Variants in CRYBG2 observed in about 807,000 individuals in gnomAD.
CRYBG2 encodes the protein crystallin beta-gamma domain containing 2, also known as beta/gamma crystallin domain-containing protein 2.
Under a neutral mutation model 153.4 loss-of-function variants are expected in CRYBG2, and 106 were observed. The observed-to-expected ratio is 0.69, with a 90% confidence interval of 0.59 to 0.81. The LOEUF is 0.81. Ranked by LOEUF, CRYBG2 falls within the 30% of genes least tolerant of loss-of-function variation. The pLI, the probability that CRYBG2 is intolerant of heterozygous loss-of-function variation, is 0.00. For missense variants in CRYBG2, 1,996 were observed against 2,112.0 expected (o/e 0.95, Z 1.08); for synonymous variants, 851 against 877.8 (o/e 0.97, Z 0.54).
chr1:26,353,672 C>T (rs546008720), intron 1 of CRYBG2, among the ~76,000 whole-genome samples: 12 of 152,284 alleles, frequency 7.9e-5, no homozygotes, highest in South Asian at 2.1e-4. Context: ...TTAAGCAACT[C>T]GCCTCAGGAC....
At position 26,328,729 on chromosome 1, in the gene CRYBG2, C is replaced by T. The variant is rs2073962682; in HGVS notation, c.4454+5G>A. ...ACCGCACCCATGCCTCCCCTCAGCACTCACATGCCCCCCTTGATCCGCACA... is the reference window on the plus strand; with the variant it reads ...ACCGCACCCATGCCTCCCCTCAGCATTCACATGCCCCCCTTGATCCGCACA... On this transcript the variant is annotated splice_donor_5th_base_variant and intron_variant, in intron 16 of 19. Coordinates refer to ENST00000308182, the MANE Select transcript of CRYBG2 (RefSeq NM_001039775.4). 2 of 1,611,220 alleles carry T rather than the reference C, an allele frequency of 1.2e-6. No homozygotes were observed. The highest frequency in any genetic ancestry group is 1.7e-4 in the Middle Eastern group (1 of 6,048).
At chr1:26,352,309 A>T (rs1182805169) in intron 1 of CRYBG2, among the ~76,000 whole-genome samples, 1 of 152,028 alleles carries the variant, frequency 6.6e-6, no homozygotes, top group Non-Finnish European at 1.5e-5. Context: ...ATATACACTC[A>T]CCCAAGAAAT....
chr1:26,328,996 G>T, intron 15 of CRYBG2, 123 bp from the exon 16 acceptor site: 1 of 1,199,250 alleles, frequency 8.3e-7, no homozygotes, highest in Non-Finnish European at 1.2e-6. Flanking sequence ...CCTGAGCTCA[G>T]TTCTGCAGGG....
chr1:26,327,236 A>G (rs1248211146), intron 17 of CRYBG2, among the ~76,000 whole-genome samples: 1 of 152,114 alleles, frequency 6.6e-6, no homozygotes, highest in Non-Finnish European at 1.5e-5. Context: ...TGGGAGGCCG[A>G]AGTGGGCAGA....
chr1:26,334,467 A>C (rs2074031053), intron 14 of CRYBG2, among the ~76,000 whole-genome samples: 2 of 152,128 alleles, frequency 1.3e-5, no homozygotes, highest in Admixed American at 1.3e-4. Flanking sequence ...AAAATGAAAA[A>C]TATTCCTTAA....
chr1:26,345,956 G>A lies in CRYBG2; in HGVS notation c.702C>T (p.Ala234=), dbSNP rs752580485. ...SPPGSPSRSQ[A]VKVLSNLVPA... Reference sequence around the variant, plus strand: ...GCACGAGGTTACTTAGCACTTTCACGGCCTGGCTGCGGCTGGGCGAGCCTG... The same window carrying A: ...GCACGAGGTTACTTAGCACTTTCACAGCCTGGCTGCGGCTGGGCGAGCCTG... The change falls in exon 2 of 20, where the codon GCC becomes GCT. Residue 234 remains alanine (A), a synonymous_variant. Transcript: ENST00000308182. The A allele has an allele frequency of 1.8e-5, 28 of 1,594,430 alleles. No individual in the cohort carries two copies. Among genetic ancestry groups the A allele is most frequent in the African/African-American group, 4.0e-5 (3 of 74,870 alleles).
chr1:26,338,600 G>A (rs979441859), intron 6 of CRYBG2, 123 bp from the exon 7 acceptor site: 32 of 1,138,532 alleles, frequency 2.8e-5, no homozygotes, highest in Admixed American at 8.1e-5. Context: ...CATCAGTCTC[G>A]TATAATCTCT....
rs1557702147 is a variant in CRYBG2 at position 26,325,539 on chromosome 1, GAC to G, written c.4579-1231_4579-1230del. Reference sequence around the variant, plus strand: ...CACACCACTGCACTCCAGCCTGGGTGACAGAGTAGGACTCCATCTCAAAAATA... The same window carrying G: ...CACACCACTGCACTCCAGCCTGGGTGAGAGTAGGACTCCATCTCAAAAATA... On this transcript the variant is annotated intron_variant, in intron 17 of 19. Transcript: ENST00000308182. This position sits in a 1 kb window ranked among gnomAD's most constrained non-coding sequence, Gnocchi z 4.1. 6.6e-6 allele frequency among the ~76,000 whole-genome samples: 1 copy of G among 152,044 alleles called. No homozygotes were observed.
rs1012433755 is a variant in CRYBG2, at chr1:26,346,104, C to T, written c.554G>A (p.Gly185Glu). Residue 185 changes from glycine (G) to glutamate (E), a missense_variant, in exon 2 of 20, where the codon GGA becomes GAA. Coordinates refer to ENST00000308182, the MANE Select transcript of CRYBG2 (RefSeq NM_001039775.4). This position sits in a 1 kb window ranked among gnomAD's most constrained non-coding sequence, Gnocchi z 4.9. ...GCTCATCCGCCGGTCCACATGACCT[C>T]CCACCACTGTGGTGGTCCGCACAGT... ...TRTVRTTTVV[G>E]GHVDRRMSSS... 6.4e-7 allele frequency: 1 copy of T among 1,572,616 alleles called. No homozygotes were observed. The highest frequency in any genetic ancestry group is 1.7e-4 in the Middle Eastern group (1 of 5,970).
At position 26,328,818 on chromosome 1, in the gene CRYBG2, T is replaced by C. The variant is rs1018952015; in HGVS notation, c.4370A>G (p.Glu1457Gly). ...LYGLECFEGKEIELSREVRSL... is the reference protein window; with the variant it reads ...LYGLECFEGKGIELSREVRSL... ...CCGCACCTCCCTGCTGAGCTCGATC[T>C]CCTTCCCCTCGAAGCACTCGAGTCC... Residue 1457 changes from glutamate (E) to glycine (G), a missense_variant, in exon 16 of 20, where the codon GAG becomes GGG. Physicochemically the swap from Glu to Gly is moderately conservative, Grantham distance 98. Transcript: ENST00000308182. 1 of 1,614,032 alleles carries C rather than the reference T, an allele frequency of 6.2e-7. No individual in the cohort carries two copies. The highest frequency in any genetic ancestry group is 1.7e-5 in the Admixed American group (1 of 59,984).
intron 14 of CRYBG2, among the ~76,000 whole-genome samples, 192 bp from the exon 15 acceptor site, chr1:26,331,810 C>T (rs1454990746): frequency 6.6e-6 from 1 of 152,162 alleles, no homozygotes; most frequent in South Asian, 2.1e-4. Flanking sequence ...ATCATACTGC[C>T]CCTATGGAGG....
Position 26,338,102 on chromosome 1 carries a change from G to A in CRYBG2, c.3472-55C>T, listed in dbSNP as rs1259910755. 3 of 1,595,114 alleles carry A rather than the reference G, an allele frequency of 1.9e-6. No homozygotes were observed. In the South Asian group the frequency reaches 3.4e-5, roughly 18 times the overall value. ...CCCAGAGATGGGAAAGACAGATGGG[G>A]CTGCGGATCTAGGATTTTCCTGATC... On this transcript the variant is annotated intron_variant, in intron 7 of 19. Transcript: ENST00000308182.
chr1:26,325,430 C>T lies in CRYBG2; in HGVS notation c.4579-1120G>A, dbSNP rs956694674. Among the ~76,000 whole-genome samples, 12 of 152,120 alleles carry T rather than the reference C, an allele frequency of 7.9e-5. No individual in the cohort carries two copies. Among genetic ancestry groups the T allele is most frequent in the Non-Finnish European group, 1.5e-4 (10 of 68,030 alleles). ...AAAAAATTAGCCAGGTGTGGTGGCA[C>T]ACGCCTGTAATCACAGCTACTCGGG... On this transcript the variant is annotated intron_variant, in intron 17 of 19. Coordinates refer to ENST00000308182, the MANE Select transcript of CRYBG2 (RefSeq NM_001039775.4). The surrounding 1 kb of genome is among the most constrained non-coding windows in gnomAD (Gnocchi z 4.1).
intron 19 of CRYBG2, 36 bp downstream of exon 19, chr1:26,322,128 C>G: frequency 6.2e-7 from 1 of 1,602,752 alleles, no homozygotes; most frequent in Non-Finnish European, 8.5e-7. Flanking sequence ...CTCTCAGCCC[C>G]CTCAGGAGCC....
At position 26,337,200 on chromosome 1, in the gene CRYBG2, G is replaced by A. The variant is rs568976310; in HGVS notation, c.3771+53C>T. ...TCTTCCCTCCACAAACTGTACTGGG[G>A]GAGGTCTGGCTGTGGCCAGAGGCAG... On this transcript the variant is annotated intron_variant, in intron 10 of 19. Transcript: ENST00000308182. 2.0e-5 allele frequency: 32 copies of A among 1,609,436 alleles called. No individual in the cohort carries two copies. The African/African-American group carries it at 3.6e-4, about 18-fold the overall frequency.
At chr1:26,342,678 C>A (rs755580885) in intron 5 of CRYBG2, 76 bp downstream of exon 5, 3 of 1,567,068 alleles carry the variant, frequency 1.9e-6, no homozygotes, top group Middle Eastern at 1.7e-4. Context: ...GCATTACAGG[C>A]GTGAGTCACT....
chr1:26,323,045 C>T (rs1256961409), intron 18 of CRYBG2, among the ~76,000 whole-genome samples: 2 of 151,626 alleles, frequency 1.3e-5, no homozygotes, highest in South Asian at 2.1e-4. Context: ...TCATCTTCTT[C>T]GGAAAGGCTC....
rs375805356 is a variant in CRYBG2, at chr1:26,337,591, G to C, written c.3591C>G (p.Asp1197Glu). 4.5e-5 allele frequency: 72 copies of C among 1,613,114 alleles called. No individual in the cohort carries two copies. Among genetic ancestry groups the C allele is most frequent in the Middle Eastern group, 1.6e-4 (1 of 6,084 alleles). ...CAGAGGCCAGGTGGGGGCTCTGGCT[G>C]TCCTCTGGCTGCTGAAGGTTGTAGA... is the stretch of plus-strand genomic sequence containing the variant. ...RDIYNLQQPE[D>E]SQSPHLASVG... The change falls in exon 9 of 20, where the codon GAC becomes GAG. Residue 1197 changes from aspartate to glutamate, a missense_variant. Physicochemically the swap from Asp to Glu is conservative, Grantham distance 45 (BLOSUM62 2). Coordinates refer to ENST00000308182, the MANE Select transcript of CRYBG2 (RefSeq NM_001039775.4).
rs2074147143 is a variant in CRYBG2 at position 26,342,775 on chromosome 1, G to T, written c.3183C>A (p.Gly1061=). Residue 1061 remains glycine, a synonymous_variant, in exon 5 of 20, where the codon GGC becomes GGA. Coordinates refer to ENST00000308182, the MANE Select transcript of CRYBG2 (RefSeq NM_001039775.4). The part of the protein sequence containing the change: ...PGTKWSPQGI[G]SLRRVVWDYS... ...TCACCCAGACAACCCTCCTTAGGGA[G>T]CCGATGCCTTGGGGACTCCACTTTG... 1 of 1,613,830 alleles carries T rather than the reference G, an allele frequency of 6.2e-7. No homozygotes were observed. The highest frequency in any genetic ancestry group is 8.5e-7 in the Non-Finnish European group (1 of 1,180,014).
Sources: gnomAD v4.1 joint callset for allele counts (sites outside exome capture counted in the v4.1 genomes callset) on GRCh38, gnomAD v4.1.1 for gene constraint, Gnocchi (gnomAD v3.1) non-coding constraint, MANE v1.5 for transcripts, NCBI Gene and HGNC (gene_info 2026-07-23, HGNC 2026-07-21) for gene names.